Variants in POF1B observed in about 807,000 individuals in gnomAD.
The protein encoded by POF1B is protein POF1B.
Under a neutral mutation model 55.3 loss-of-function variants are expected in POF1B, and 53 were observed. The observed-to-expected ratio is 0.96, with a 90% CI of 0.77 to 1.20. POF1B has a LOEUF of 1.20. Ranked by LOEUF, POF1B falls within the 50% of genes most tolerant of loss-of-function variation. The pLI is 0.00. For missense variants in POF1B, 478 were observed against 420.5 expected (o/e 1.14, Z -1.20); for synonymous variants, 188 against 148.3 (o/e 1.27, Z -1.95).
At chrX:85,363,026 G>T (rs1010439423) in intron 3 of POF1B, among the ~76,000 whole-genome samples, 1 of 110,926 alleles carries the variant, frequency 9.0e-6, no homozygotes, top group Non-Finnish European at 1.9e-5. Context: ...TTTTCAGTTT[G>T]TATGCATAGA....
intron 4 of POF1B, among the ~76,000 whole-genome samples, chrX:85,359,144 A>T (rs968142191): frequency 9.0e-6 from 1 of 111,398 alleles, no homozygotes; most frequent in African/African-American, 3.3e-5. Flanking sequence ...TTCCTAGTCC[A>T]TATCTCCATG....
At chrX:85,295,741 G>C (rs1334007637) in intron 15 of POF1B, among the ~76,000 whole-genome samples, 1 of 112,011 alleles carries the variant, frequency 8.9e-6, no homozygotes, top group East Asian at 2.8e-4. Context: ...GGTCCAGTTG[G>C]TTGAGTGTCA....
At chrX:85,359,662 C>T in intron 3 of POF1B, 32 bp from the exon 4 acceptor site, 1 of 1,040,979 alleles carries the variant, frequency 9.6e-7, no homozygotes, top group Non-Finnish European at 1.3e-6. Flanking sequence ...TGGATATAAT[C>T]ATAGTTATTT....
At chrX:85,323,220 A>T (rs1196233691) in intron 7 of POF1B, among the ~76,000 whole-genome samples, 3 of 111,804 alleles carry the variant, frequency 2.7e-5, no homozygotes, top group African/African-American at 9.8e-5. Flanking sequence ...GATAGATTGG[A>T]TTAAGAAAAT....
At chrX:85,345,670 G>A (rs1363416939) in intron 6 of POF1B, among the ~76,000 whole-genome samples, 190 bp downstream of exon 6, 1 of 110,877 alleles carries the variant, frequency 9.0e-6, no homozygotes, top group Non-Finnish European at 1.9e-5. Flanking sequence ...TGTCTTAATC[G>A]ACCTAAATTG....
At chrX:85,295,775 T>G (rs1235358102) in intron 15 of POF1B, among the ~76,000 whole-genome samples, 1 of 112,028 alleles carries the variant, frequency 8.9e-6, no homozygotes, top group Non-Finnish European at 1.9e-5. Context: ...AATTCCTTTG[T>G]CAGTTTCCTG....
chrX:85,351,324 A>C, intron 5 of POF1B, 26 bp downstream of exon 5: 1 of 1,054,412 alleles, frequency 9.5e-7, no homozygotes, highest in Non-Finnish European at 1.3e-6. Context: ...ACTTAAAAAC[A>C]AGTTTTAAAA....
At chrX:85,364,631 T>A (rs1476081589) in intron 3 of POF1B, among the ~76,000 whole-genome samples, 1 of 111,740 alleles carries the variant, frequency 8.9e-6, no homozygotes, top group Non-Finnish European at 1.9e-5. Flanking sequence ...GTTAGCCTGA[T>A]GGGCTTTCCT....
intron 7 of POF1B, among the ~76,000 whole-genome samples, chrX:85,319,035 T>C (rs942555582): frequency 6.3e-5 from 7 of 111,527 alleles, no homozygotes; most frequent in Middle Eastern, 4.6e-3. Context: ...GTGTCGTCTC[T>C]GATTTCTTTG....
At chrX:85,345,654 A>T (rs1933254285) in intron 6 of POF1B, among the ~76,000 whole-genome samples, 1 of 111,391 alleles carries the variant, frequency 9.0e-6, no homozygotes, top group African/African-American at 3.3e-5. Flanking sequence ...AACCTCATAG[A>T]TTTAATGTCT....
At position 85,347,950 on chromosome X, in the gene POF1B, T is replaced by C. The variant is rs145671084; in HGVS notation, c.541-1908A>G. On this transcript the variant is annotated intron_variant, in intron 5 of 16. Transcript: ENST00000262753. ...GATGACTATCACTCATTGGAGAGCT[T>C]GTAGGCTATTGAAATAGAAGCTCTC... Among the ~76,000 whole-genome samples, 269 of 111,454 alleles carry C rather than the reference T, an allele frequency of 2.4e-3. 1 individual carries two copies. The highest frequency in any genetic ancestry group is 8.3e-3 in the African/African-American group (254 of 30,786).
intron 6 of POF1B, among the ~76,000 whole-genome samples, chrX:85,333,820 A>C (rs905571416): frequency 2.7e-5 from 3 of 110,797 alleles, no homozygotes; most frequent in Non-Finnish European, 1.9e-5. Flanking sequence ...CTCTCAGGAA[A>C]TGAAAGTCAA....
At chrX:85,307,052 T>C in intron 11 of POF1B, 111 bp downstream of exon 11, 1 of 603,599 alleles carries the variant, frequency 1.7e-6, no homozygotes, top group Non-Finnish European at 2.5e-6. Context: ...AACAAATTTT[T>C]CCATCATATT....
chrX:85,358,074 A>G (rs1933536701), intron 4 of POF1B, among the ~76,000 whole-genome samples: 1 of 111,338 alleles, frequency 9.0e-6, no homozygotes. Context: ...GCTACCATCT[A>G]AAATAGCTTC....
At chrX:85,336,087 A>G (rs746463336) in intron 6 of POF1B, among the ~76,000 whole-genome samples, 6 of 110,774 alleles carry the variant, frequency 5.4e-5, no homozygotes, top group Non-Finnish European at 9.5e-5. Flanking sequence ...AGTTTCCACA[A>G]ATAAGTGAAA....
chrX:85,321,181 C>T (rs1403861104), intron 7 of POF1B, among the ~76,000 whole-genome samples: 1 of 111,437 alleles, frequency 9.0e-6, no homozygotes, highest in African/African-American at 3.3e-5. Context: ...AATATTAATG[C>T]AAAAATCCTC....
At chrX:85,296,647 C>G (rs1166597502) in intron 15 of POF1B, among the ~76,000 whole-genome samples, 2 of 111,748 alleles carry the variant, frequency 1.8e-5, no homozygotes, top group Admixed American at 1.9e-4. Flanking sequence ...TGACTAGAGC[C>G]TTCTCTCTTG....
chrX:85,364,347 G>C (rs1933679443), intron 3 of POF1B, among the ~76,000 whole-genome samples: 1 of 111,560 alleles, frequency 9.0e-6, no homozygotes, highest in Non-Finnish European at 1.9e-5. Context: ...TAATGTAACT[G>C]ATCTGTGCAC....
chrX:85,308,247 T>G (rs1290797008), intron 9 of POF1B, 31 bp from the exon 10 acceptor site: 1 of 990,560 alleles, frequency 1.0e-6, no homozygotes, highest in South Asian at 2.7e-5. Flanking sequence ...TGGTTTAGTT[T>G]TATTAACATT....
Sources: gnomAD v4.1 joint callset for allele counts (sites outside exome capture counted in the v4.1 genomes callset) on GRCh38, gnomAD v4.1.1 for gene constraint, MANE v1.5 for transcripts, NCBI Gene and HGNC (gene_info 2026-07-23, HGNC 2026-07-21) for gene names.